The following ATXN10 variants were observed in gnomAD, a reference collection of about 807,000 sequenced individuals.
ATXN10 encodes the protein ataxin 10.
A neutral mutation model predicts 52.9 loss-of-function variants in ATXN10; 28 were observed. The ratio of observed to expected loss-of-function variants is 0.53; its 90% CI spans 0.39 to 0.73. The LOEUF (loss-of-function observed/expected upper bound fraction) is 0.73. Among genes scored for constraint, ATXN10 ranks in the 30% least tolerant of loss-of-function variants. The probability of loss-of-function intolerance (pLI) is 0.00; values close to 1 mark genes in which losing one functional copy is unlikely to be tolerated. For synonymous variants in ATXN10, 226 were observed against 221.5 expected (o/e 1.02, Z -0.18); for missense variants, 565 against 577.0 (o/e 0.98, Z 0.21).
In ATXN10 at chr22:45,842,087, G is replaced by A. The variant is rs1019249297; in HGVS notation, c.1238-904G>A. 1.4e-4 allele frequency among the ~76,000 whole-genome samples: 22 copies of A among 152,132 alleles called. No individual in the cohort carries two copies. Among genetic ancestry groups the A allele is most frequent in the African/African-American group, 5.1e-4 (21 of 41,406 alleles). Reference sequence around the variant, plus strand: ...CCTAGGTTCTTTGTTGTTCTCCCTGGATCAGGGTGCCAGGCCCAGTAGGGA... The same window carrying A: ...CCTAGGTTCTTTGTTGTTCTCCCTGAATCAGGGTGCCAGGCCCAGTAGGGA... On this transcript the variant is annotated intron_variant, in intron 10 of 11. Coordinates refer to ENST00000252934, the MANE Select transcript of ATXN10 (RefSeq NM_013236.4). The surrounding 1 kb of genome is among the most constrained non-coding windows in gnomAD (Gnocchi z 4.8).
chr22:45,672,054 G>T lies in ATXN10; in HGVS notation c.-10G>T, dbSNP rs1392452891. 1 of 1,535,634 alleles carries T rather than the reference G, an allele frequency of 6.5e-7. No individual in the cohort carries two copies. The highest frequency in any genetic ancestry group is 8.7e-7 in the Non-Finnish European group (1 of 1,144,816). On this transcript the variant is annotated 5_prime_UTR_variant, in exon 1 of 12. Transcript: ENST00000252934. ...TCCTCGTCAGGCTCGACCCAGCTGT[G>T]AGCGGCAAGATGGCGGCGCCCAGGC...
At chr22:45,813,265 AT>A (rs1256491167) in intron 10 of ATXN10, among the ~76,000 whole-genome samples, 1 of 148,344 alleles carries the variant, frequency 6.7e-6, no homozygotes, top group African/African-American at 2.5e-5. Context: ...GCTGAACTTT[AT>A]TTGAAGTGTT....
chr22:45,731,947 A>G (rs931673706), intron 7 of ATXN10, among the ~76,000 whole-genome samples: 1 of 152,224 alleles, frequency 6.6e-6, no homozygotes, highest in Non-Finnish European at 1.5e-5. Context: ...GCAGTGAGTC[A>G]TGCTTAAGAA....
chr22:45,723,573 T>C (rs1712098001), intron 6 of ATXN10, among the ~76,000 whole-genome samples: 1 of 152,206 alleles, frequency 6.6e-6, no homozygotes, highest in Non-Finnish European at 1.5e-5. Flanking sequence ...TACTACTCTG[T>C]GTGCCTTTGG....
chr22:45,785,041 T>A (rs1462700287), intron 9 of ATXN10, among the ~76,000 whole-genome samples: 3 of 152,246 alleles, frequency 2.0e-5, no homozygotes, highest in Non-Finnish European at 4.4e-5. Context: ...AAAAACTTGC[T>A]GTATGGGTTA....
In ATXN10 at chr22:45,712,811, CTT is replaced by C. The variant is rs1293569931; in HGVS notation, c.648-5599_648-5598del. Reference sequence around the variant, plus strand: ...AACCCGTTGGAAATGTTATTTAACTCTTTTAACAGGAGAAGGGAGGTTATTTT... The same window carrying C: ...AACCCGTTGGAAATGTTATTTAACTCTTAACAGGAGAAGGGAGGTTATTTT... On this transcript the variant is annotated intron_variant, in intron 5 of 11. Coordinates refer to ENST00000252934, the MANE Select transcript of ATXN10 (RefSeq NM_013236.4). This position sits in a 1 kb window ranked among gnomAD's most constrained non-coding sequence, Gnocchi z 4.6. 6.6e-6 allele frequency among the ~76,000 whole-genome samples: 1 copy of C among 152,098 alleles called. No homozygotes were observed. The highest frequency in any genetic ancestry group is 1.9e-4 in the East Asian group (1 of 5,180).
chr22:45,803,847 G>T (rs1431404640), intron 9 of ATXN10, among the ~76,000 whole-genome samples: 1 of 151,930 alleles, frequency 6.6e-6, no homozygotes, highest in East Asian at 1.9e-4. Flanking sequence ...CTCAGGTGGG[G>T]TCATTACCAA....
Position 45,750,147 on chromosome 22 carries a change from G to C in ATXN10, c.1173+9609G>C, listed in dbSNP as rs1023672180. 6.6e-6 allele frequency among the ~76,000 whole-genome samples: 1 copy of C among 152,052 alleles called. No homozygotes were observed. Among genetic ancestry groups the C allele is most frequent in the African/African-American group, 2.4e-5 (1 of 41,386 alleles). On this transcript the variant is annotated intron_variant, in intron 9 of 11. Coordinates refer to ENST00000252934, the MANE Select transcript of ATXN10 (RefSeq NM_013236.4). The surrounding 1 kb of genome is among the most constrained non-coding windows in gnomAD (Gnocchi z 4.2). ...GACAGGGTCTTGCTTTTGTCACCCA[G>C]GCTGGAGTGCAGTGGTGTGATCACA...
rs71315146 is a variant in ATXN10 at position 45,727,331 on chromosome 22, A to ATATCTATCTATC, written c.729-2060_729-2049dup. Among the ~76,000 whole-genome samples, 4,537 of 146,726 alleles carry ATATCTATCTATC rather than the reference A, an allele frequency of 0.031. 80 individuals carry two copies. The highest frequency in any genetic ancestry group is 0.044 in the East Asian group (216 of 4,914). ...GTTCTGTCTGTCTGTCTATCTATCTATATCTATCTATCTATCTATCTATCT... is the reference window on the plus strand; with the variant it reads ...GTTCTGTCTGTCTGTCTATCTATCTATATCTATCTATCTATCTATCTATCTATCTATCTATCT... On this transcript the variant is annotated intron_variant, in intron 6 of 11. Transcript: ENST00000252934. The surrounding 1 kb of genome is among the most constrained non-coding windows in gnomAD (Gnocchi z 4.6).
At position 45,705,326 on chromosome 22, in the gene ATXN10, A is replaced by G. The variant is rs1256042619; in HGVS notation, c.647+2479A>G. On this transcript the variant is annotated intron_variant, in intron 5 of 11. Coordinates refer to ENST00000252934, the MANE Select transcript of ATXN10 (RefSeq NM_013236.4). This position sits in a 1 kb window ranked among gnomAD's most constrained non-coding sequence, Gnocchi z 5.2. ...TTTTGGAAGACTGTAAAGGATCGGT[A>G]TTCATCTTTAAATATGTGGTAGAAT... Among the ~76,000 whole-genome samples the G allele has an allele frequency of 6.6e-6, 1 of 152,040 alleles. No homozygotes were observed. The highest frequency in any genetic ancestry group is 2.4e-5 in the African/African-American group (1 of 41,398).
In ATXN10 at chr22:45,844,216, T is replaced by G. The variant is rs998385700; in HGVS notation, c.*545T>G. On this transcript the variant is annotated 3_prime_UTR_variant, in exon 12 of 12. Coordinates refer to ENST00000252934, the MANE Select transcript of ATXN10 (RefSeq NM_013236.4). ...AACCCTCCCTCTTCATTTTGGGTAC[T>G]GGGCTGTCTTGTCACTGAGCCCTAT... is the stretch of plus-strand genomic sequence containing the variant. The G allele has an allele frequency of 6.0e-6, 1 of 166,946 alleles. No homozygotes were observed. The highest frequency in any genetic ancestry group is 2.4e-5 in the African/African-American group (1 of 41,528). The allele number at this position is 166,946 out of a possible 1,614,324, so 10.3% of individuals were successfully genotyped here.
Position 45,807,031 on chromosome 22 carries a change from G to C in ATXN10, c.1237+9G>C, listed in dbSNP as rs781613334. ...CAGTGACAGTAACCCCTGTATCCTT[G>C]CATGTGAATTACCATGCACAAGTTT... On this transcript the variant is annotated intron_variant, in intron 10 of 11. Coordinates refer to ENST00000252934, the MANE Select transcript of ATXN10 (RefSeq NM_013236.4). The C allele has an allele frequency of 1.2e-6, 2 of 1,612,808 alleles. No homozygotes were observed. Among genetic ancestry groups the C allele is most frequent in the East Asian group, 4.5e-5 (2 of 44,860 alleles).
Position 45,727,353 on chromosome 22 carries a change from A to G in ATXN10, c.729-2072A>G, listed in dbSNP as rs952258445. Among the ~76,000 whole-genome samples the G allele has an allele frequency of 6.6e-6, 1 of 151,602 alleles. No homozygotes were observed. The highest frequency in any genetic ancestry group is 6.6e-5 in the Admixed American group (1 of 15,188). On this transcript the variant is annotated intron_variant, in intron 6 of 11. Coordinates refer to ENST00000252934, the MANE Select transcript of ATXN10 (RefSeq NM_013236.4). This position sits in a 1 kb window ranked among gnomAD's most constrained non-coding sequence, Gnocchi z 4.6. ...TCTATATCTATCTATCTATCTATCT[A>G]TCTATCTATCTATCTATCTATCTGA...
chr22:45,817,904 G>A (rs1928519258), intron 10 of ATXN10, among the ~76,000 whole-genome samples: 1 of 152,124 alleles, frequency 6.6e-6, no homozygotes, highest in Non-Finnish European at 1.5e-5. Flanking sequence ...CATTCAAACA[G>A]ACTCATCCCT....
intron 9 of ATXN10, among the ~76,000 whole-genome samples, chr22:45,742,272 A>G (rs1042954088): frequency 1.3e-5 from 2 of 152,206 alleles, no homozygotes; most frequent in Admixed American, 6.5e-5. Context: ...TCCAGGATAC[A>G]GTTTACAATT....
intron 9 of ATXN10, among the ~76,000 whole-genome samples, chr22:45,802,436 A>G (rs1327444128): frequency 2.0e-5 from 3 of 152,226 alleles, no homozygotes; most frequent in East Asian, 1.9e-4. Flanking sequence ...ACAAAATTGT[A>G]TCGTCAGTCA....
At chr22:45,758,664 A>T (rs1371095470) in intron 9 of ATXN10, among the ~76,000 whole-genome samples, 1 of 152,264 alleles carries the variant, frequency 6.6e-6, no homozygotes, top group Non-Finnish European at 1.5e-5. Flanking sequence ...CACACTGGCC[A>T]TGTGTTTGCA....
chr22:45,748,053 C>A (rs966882138), intron 9 of ATXN10, among the ~76,000 whole-genome samples: 1 of 152,064 alleles, frequency 6.6e-6, no homozygotes, highest in African/African-American at 2.4e-5. Context: ...AAAAAATTAG[C>A]CAGTGCTCCC....
intron 1 of ATXN10, chr22:45,675,659 C>T (rs1351753011): frequency 6.6e-6 from 1 of 152,258 alleles, no homozygotes; most frequent in Non-Finnish European, 1.5e-5. Context: ...GTCACATCCT[C>T]AGCCACGTGT....
Sources: allele counts gnomAD v4.1 joint callset (sites outside exome capture counted in the v4.1 genomes callset), GRCh38; gene constraint gnomAD v4.1.1; non-coding constraint Gnocchi (gnomAD v3.1); transcripts MANE v1.5; gene names NCBI Gene and HGNC (gene_info 2026-07-23, HGNC 2026-07-21).